SLC10A4: variants seen among roughly 807,000 people sequenced by gnomAD.
SLC10A4 encodes solute carrier family 10 member 4.
A neutral mutation model predicts 22.5 loss-of-function variants in SLC10A4; 17 were observed. The ratio of observed to expected loss-of-function variants is 0.76; its 90% confidence interval spans 0.52 to 1.14. The LOEUF (loss-of-function observed/expected upper bound fraction) is 1.14. Among genes scored for constraint, SLC10A4 ranks in the 50% most tolerant of loss-of-function variants. The pLI is 0.00. For missense variants in SLC10A4, 548 were observed against 584.0 expected (o/e 0.94, Z 0.64); for synonymous variants, 257 against 258.2 (o/e 1.00, Z 0.04).
rs1718214620 is a variant in SLC10A4, at chr4:48,483,421, C to A, written c.-141C>A. On this transcript the variant is annotated 5_prime_UTR_variant, in exon 1 of 3. Transcript: ENST00000273861. This position sits in a 1 kb window ranked among gnomAD's most constrained non-coding sequence, Gnocchi z 5.4. ...GGAGCGGAGACCGGCCCGCCGCCCC[C>A]GACGCCGCCGAGCACGTCAGCGGCG... is the stretch of plus-strand genomic sequence containing the variant. 1 of 553,944 alleles carries A rather than the reference C, an allele frequency of 1.8e-6. No homozygotes were observed. Among genetic ancestry groups the A allele is most frequent in the African/African-American group, 2.0e-5 (1 of 50,130 alleles). The allele number at this position is 553,944 out of a possible 1,614,324, so 34.3% of individuals were successfully genotyped here.
Position 48,484,038 on chromosome 4 carries a change from C to A in SLC10A4, c.477C>A (p.Leu159=). 6.2e-7 allele frequency: 1 copy of A among 1,600,188 alleles called. No homozygotes were observed. Residue 159 remains leucine (L), a synonymous_variant, in exon 1 of 3, where the codon CTC becomes CTA. Coordinates refer to ENST00000273861, the MANE Select transcript of SLC10A4 (RefSeq NM_152679.4). ...CGCTGCTGGCCTTCCTGCTGGCCCT[C>A]GCCTTCAAGCTGGACGAGGTGGCCG... is the stretch of plus-strand genomic sequence containing the variant. The part of the protein sequence containing the change: ...LLPLLAFLLA[L]AFKLDEVAAV...
chr4:48,483,803 GCCCTTC>G lies in SLC10A4; in HGVS notation c.246_251del (p.Ser83_Pro84del). 6.6e-7 allele frequency: 1 copy of G among 1,520,856 alleles called. No individual in the cohort carries two copies. Among genetic ancestry groups the G allele is most frequent in the South Asian group, 1.2e-5 (1 of 81,784 alleles). The allele number at this position is 1,520,856 out of a possible 1,614,324, so 94.2% of individuals were successfully genotyped here. ...CTCGCGGGCGGCGCGGCGAGCCACG[GCCCTTC>G]CCCGTTCCCTCGGCCCTGGGCGCCC... On this transcript the variant is annotated inframe_deletion, in exon 1 of 3. Transcript: ENST00000273861. The surrounding 1 kb of genome is among the most constrained non-coding windows in gnomAD (Gnocchi z 5.4).
intron 2 of SLC10A4, among the ~76,000 whole-genome samples, chr4:48,486,843 C>T (rs1718290559): frequency 6.6e-6 from 1 of 152,016 alleles, no homozygotes. Flanking sequence ...GTATCTGTAC[C>T]TTATATAATA....
intron 2 of SLC10A4, among the ~76,000 whole-genome samples, chr4:48,488,082 G>A (rs1718312499): frequency 6.6e-6 from 1 of 151,576 alleles, no homozygotes; most frequent in Admixed American, 6.6e-5. Flanking sequence ...GATTACAGGT[G>A]TGAGCCACCG....
chr4:48,483,633 T>C lies in SLC10A4; in HGVS notation c.72T>C (p.Asn24=). 6.7e-7 allele frequency: 1 copy of C among 1,492,468 alleles called. No homozygotes were observed. The highest frequency in any genetic ancestry group is 8.9e-7 in the Non-Finnish European group (1 of 1,125,174). The allele number at this position is 1,492,468 out of a possible 1,614,324, so 92.5% of individuals were successfully genotyped here. A position where few individuals can be genotyped will look rare whatever the true frequency, so the allele number is the denominator to read the frequency against. Residue 24 remains asparagine, a synonymous_variant, in exon 1 of 3, where the codon AAT becomes AAC. Coordinates refer to ENST00000273861, the MANE Select transcript of SLC10A4 (RefSeq NM_152679.4). This position sits in a 1 kb window ranked among gnomAD's most constrained non-coding sequence, Gnocchi z 5.4. The stretch of plus-strand genomic sequence containing the variant: ...GGGACAACTACACCCTGGCGCCCAA[T>C]GCCAGCAGCCTGGGCCCCGGCACGG... ...LLRDNYTLAP[N]ASSLGPGTDL...
intron 2 of SLC10A4, among the ~76,000 whole-genome samples, chr4:48,487,788 CTTTTTTTTTTTT>C (rs35831946): frequency 1.2e-3 from 46 of 39,802 alleles, no homozygotes; most frequent in African/African-American, 4.7e-3. Flanking sequence ...TTTTGAAGAG[CTTTTTTTTTTTT>C]TTTTTTTTTT....
chr4:48,483,742 G>C lies in SLC10A4; in HGVS notation c.181G>C (p.Gly61Arg), dbSNP rs1718224356. The change falls in exon 1 of 3, where the codon GGC (glycine) becomes CGC (arginine). Residue 61 changes from glycine to arginine, a missense_variant. Physicochemically the swap from Gly to Arg is moderately radical, Grantham distance 125 (BLOSUM62 -2). This residue lies in a region of SLC10A4 where 225 missense variants were observed against 206.9 expected (regional missense o/e 1.09). Transcript: ENST00000273861. This position sits in a 1 kb window ranked among gnomAD's most constrained non-coding sequence, Gnocchi z 5.4. The part of the protein sequence containing the change: ...GPGPSFGFSP[G>R]PTPTPEPTTS... The stretch of plus-strand genomic sequence containing the variant: ...GGGTCCGAGCTTCGGCTTCAGCCCC[G>C]GCCCCACTCCGACCCCGGAGCCCAC... 1 of 1,450,808 alleles carries C rather than the reference G, an allele frequency of 6.9e-7. No homozygotes were observed. The highest frequency in any genetic ancestry group is 9.0e-7 in the Non-Finnish European group (1 of 1,108,736). The allele number at this position is 1,450,808 out of a possible 1,614,324, so 89.9% of individuals were successfully genotyped here.
In SLC10A4 at chr4:48,485,013, C is replaced by G; in HGVS notation, c.672C>G (p.Ile224Met). The G allele has an allele frequency of 1.2e-6, 2 of 1,614,138 alleles. No individual in the cohort carries two copies. Among genetic ancestry groups the G allele is most frequent in the South Asian group, 2.2e-5 (2 of 91,074 alleles). ...TGTGGATCTACAGCTGGGCTTGGAT[C>G]AACACCCCTATCGTGCAGTTACTAC... ...LCLWIYSWAW[I>M]NTPIVQLLPL... Residue 224 changes from isoleucine (I) to methionine (M), a missense_variant, in exon 2 of 3, where the codon ATC (isoleucine) becomes ATG (methionine). Physicochemically the swap from Ile to Met is conservative, Grantham distance 10. Around this residue, in one of 3 missense-constraint regions of SLC10A4, gnomAD observed 314 missense variants for 353.2 expected, o/e 0.89. Coordinates refer to ENST00000273861, the MANE Select transcript of SLC10A4 (RefSeq NM_152679.4).
Position 48,483,496 on chromosome 4 carries a change from G to A in SLC10A4, c.-66G>A. On this transcript the variant is annotated 5_prime_UTR_variant, in exon 1 of 3. Transcript: ENST00000273861. This position sits in a 1 kb window ranked among gnomAD's most constrained non-coding sequence, Gnocchi z 5.4. ...GGGCAGAACGACGGGCGGCGACTGC[G>A]GCGACCGCGGGACGGCGAGAGGCAC... 7.5e-7 allele frequency: 1 copy of A among 1,339,948 alleles called. No homozygotes were observed. The highest frequency in any genetic ancestry group is 9.9e-7 in the Non-Finnish European group (1 of 1,014,396). 83.0% of individuals were successfully genotyped at this position (1,339,948 alleles called of 1,614,324 possible). A position where few individuals can be genotyped will look rare whatever the true frequency, so the allele number is the denominator to read the frequency against.
intron 2 of SLC10A4, among the ~76,000 whole-genome samples, chr4:48,487,074 G>A (rs1445363508): frequency 6.7e-6 from 1 of 150,106 alleles, no homozygotes; most frequent in African/African-American, 2.5e-5. Context: ...CAATATGAAG[G>A]AGAACGAGGA....
Position 48,483,711 on chromosome 4 carries a change from C to A in SLC10A4, c.150C>A (p.Leu50=). ...CCGGCCCCGGCCCTGGGCTCAGCCTCGGGCCGGGTCCGAGCTTCGGCTTCA... is the reference window on the plus strand; with the variant it reads ...CCGGCCCCGGCCCTGGGCTCAGCCTAGGGCCGGGTCCGAGCTTCGGCTTCA... The part of the protein sequence containing the change: ...SSAGPGPGLS[L]GPGPSFGFSP... Residue 50 remains leucine (L), a synonymous_variant, in exon 1 of 3, where the codon CTC becomes CTA. Coordinates refer to ENST00000273861, the MANE Select transcript of SLC10A4 (RefSeq NM_152679.4). The surrounding 1 kb of genome is among the most constrained non-coding windows in gnomAD (Gnocchi z 5.4). The A allele has an allele frequency of 7.0e-7, 1 of 1,432,582 alleles. No individual in the cohort carries two copies. Among genetic ancestry groups the A allele is most frequent in the Admixed American group, 3.1e-5 (1 of 32,216 alleles). 88.7% of individuals were successfully genotyped at this position (1,432,582 alleles called of 1,614,324 possible).
chr4:48,486,824 G>A (rs893140040), intron 2 of SLC10A4, among the ~76,000 whole-genome samples: 1 of 152,102 alleles, frequency 6.6e-6, no homozygotes, highest in Admixed American at 6.5e-5. Context: ...TGCCAATTAT[G>A]CATCTGTAGT....
In SLC10A4 at chr4:48,489,027, T is replaced by TA; in HGVS notation, c.*90dup. On this transcript the variant is annotated 3_prime_UTR_variant, in exon 3 of 3. Transcript: ENST00000273861. ...TAGTGCACATGGTTAACATAAAAGA[T>TA]AACACTGGTTCACATCATACATGTA... The TA allele has an allele frequency of 7.1e-7, 1 of 1,401,232 alleles. No homozygotes were observed. The highest frequency in any genetic ancestry group is 9.7e-7 in the Non-Finnish European group (1 of 1,034,502). 86.8% of individuals were successfully genotyped at this position (1,401,232 alleles called of 1,614,324 possible).
chr4:48,486,128 G>A (rs1324801045), intron 2 of SLC10A4, among the ~76,000 whole-genome samples: 2 of 152,116 alleles, frequency 1.3e-5, no homozygotes, highest in African/African-American at 4.8e-5. Flanking sequence ...CAATTATGTA[G>A]ATTCAAGAAG....
chr4:48,485,286 GT>G, intron 2 of SLC10A4, 144 bp downstream of exon 2: 1 of 739,408 alleles, frequency 1.4e-6, no homozygotes. Context: ...TTTTTAAAAA[GT>G]TTATGCTACA....
rs1468405324 is a variant in SLC10A4, at chr4:48,485,016, C to T, written c.675C>T (p.Asn225=). The change falls in exon 2 of 3, where the codon AAC becomes AAT. Residue 225 remains asparagine, a synonymous_variant. Coordinates refer to ENST00000273861, the MANE Select transcript of SLC10A4 (RefSeq NM_152679.4). ...GGATCTACAGCTGGGCTTGGATCAA[C>T]ACCCCTATCGTGCAGTTACTACCCC... ...CLWIYSWAWI[N]TPIVQLLPLG... is the part of the protein sequence containing the mutation. 1 of 1,614,134 alleles carries T rather than the reference C, an allele frequency of 6.2e-7. No homozygotes were observed. The highest frequency in any genetic ancestry group is 8.5e-7 in the Non-Finnish European group (1 of 1,180,008).
At chr4:48,487,251 A>G (rs1718298409) in intron 2 of SLC10A4, among the ~76,000 whole-genome samples, 1 of 152,254 alleles carries the variant, frequency 6.6e-6, no homozygotes, top group Non-Finnish European at 1.5e-5. Flanking sequence ...ACAGACTTAT[A>G]GATGGGAGGT....
At chr4:48,485,164 C>G (rs1163440515) in intron 2 of SLC10A4, 22 bp downstream of exon 2, 1 of 1,608,882 alleles carries the variant, frequency 6.2e-7, no homozygotes, top group South Asian at 1.1e-5. Flanking sequence ...TCTTCCCTTT[C>G]CATACTAGCT....
chr4:48,484,065 C>T lies in SLC10A4; in HGVS notation c.504C>T (p.Ala168=). ...CCTTCAAGCTGGACGAGGTGGCCGC[C>T]GTGGCGGTGCTCCTGTGTGGCTGCT... ...ALAFKLDEVA[A]VAVLLCGCCP... Residue 168 remains alanine (A), a synonymous_variant, in exon 1 of 3, where the codon GCC becomes GCT. Transcript: ENST00000273861. 3.7e-6 allele frequency: 6 copies of T among 1,604,542 alleles called. No individual in the cohort carries two copies. Among genetic ancestry groups the T allele is most frequent in the Non-Finnish European group, 5.1e-6 (6 of 1,178,374 alleles).
Sources: gnomAD v4.1 joint callset for allele counts (sites outside exome capture counted in the v4.1 genomes callset) on GRCh38, gnomAD v4.1.1 for gene constraint, gnomAD v4.1.1 regional missense constraint, Gnocchi (gnomAD v3.1) non-coding constraint, MANE v1.5 for transcripts, NCBI Gene and HGNC (gene_info 2026-07-23, HGNC 2026-07-21) for gene names.